ZNF184: variants seen among roughly 807,000 people sequenced by gnomAD.
ZNF184 encodes the protein zinc finger protein 184 (Kruppel-like).
Under a neutral mutation model 54.4 loss-of-function variants are expected in ZNF184, and 16 were observed. The observed-to-expected ratio is 0.29, with a 90% CI of 0.20 to 0.45. The LOEUF (loss-of-function observed/expected upper bound fraction) is 0.45. ZNF184 is among the 20% of genes least tolerant of loss of function. The pLI, the probability that ZNF184 is intolerant of heterozygous loss-of-function variation, is 1.00. For synonymous variants in ZNF184, 254 were observed against 295.3 expected (o/e 0.86, Z 1.43); for missense variants, 681 against 888.2 (o/e 0.77, Z 2.97).
intron 3 of ZNF184, among the ~76,000 whole-genome samples, chr6:27,466,088 GT>G (rs989813520): frequency 1.2e-4 from 18 of 151,858 alleles, no homozygotes; most frequent in Admixed American, 9.2e-4. Flanking sequence ...TAAGAGGGAG[GT>G]AAGCATATCA....
At chr6:27,422,740 A>G in the ZNF184 span, among the ~76,000 whole-genome samples, 1 of 152,116 alleles carries the variant, frequency 6.6e-6, no homozygotes, top group Admixed American at 6.5e-5. Context: ...AACGCCATAC[A>G]GTTACTATCT....
the ZNF184 span, among the ~76,000 whole-genome samples, chr6:27,414,572 T>A: frequency 2.0e-5 from 3 of 152,000 alleles, no homozygotes; most frequent in Non-Finnish European, 4.4e-5. Flanking sequence ...CGCTATTCCT[T>A]CTGCTTGCAG....
intron 3 of ZNF184, among the ~76,000 whole-genome samples, chr6:27,463,661 T>C (rs1007240157): frequency 2.0e-5 from 3 of 151,714 alleles, no homozygotes; most frequent in East Asian, 3.9e-4. Flanking sequence ...AACTCAGTGA[T>C]AGAAAAAAAT....
chr6:27,451,962 T>C lies in ZNF184; in HGVS notation c.1597A>G (p.Lys533Glu). The C allele has an allele frequency of 6.2e-7, 1 of 1,613,566 alleles. No individual in the cohort carries two copies. The part of the protein sequence containing the change: ...THTQEKAYEC[K>E]ECGKAFIRSS... ...CGAATAAAAGCTTTCCCACATTCTTTACATTCATAAGCTTTCTCTTGAGTA... is the reference window on the plus strand; with the variant it reads ...CGAATAAAAGCTTTCCCACATTCTTCACATTCATAAGCTTTCTCTTGAGTA... The change falls in exon 6 of 6, where the codon AAA (lysine) becomes GAA (glutamate). Residue 533 changes from lysine to glutamate, a missense_variant. Transcript: ENST00000683788.
At chr6:27,446,942 C>T (rs560516889), downstream of ZNF184, among the ~76,000 whole-genome samples, 653 of 151,954 alleles carry the variant, frequency 4.3e-3, 7 homozygotes, top group Admixed American at 0.012. Flanking sequence ...GTCAGGAGTT[C>T]AAGACCAGCC....
the ZNF184 span, among the ~76,000 whole-genome samples, chr6:27,442,116 T>C: frequency 6.6e-6 from 1 of 152,228 alleles, no homozygotes; most frequent in South Asian, 2.1e-4. Flanking sequence ...GCACTGTTCC[T>C]TCATGGGCCC....
At chr6:27,448,760 T>C (rs1413682662), downstream of ZNF184, among the ~76,000 whole-genome samples, 5 of 82,330 alleles carry the variant, frequency 6.1e-5, no homozygotes, top group East Asian at 1.1e-3. Flanking sequence ...TAGAAATGCA[T>C]TTCCTTTTTT....
the ZNF184 span, among the ~76,000 whole-genome samples, chr6:27,415,521 AG>A: frequency 7.9e-5 from 12 of 152,280 alleles, no homozygotes; most frequent in Middle Eastern, 6.8e-3. Context: ...GTATATGAGG[AG>A]AGGAGGTTTT....
At chr6:27,404,658 C>A in the ZNF184 span, 1 of 152,198 alleles carries the variant, frequency 6.6e-6, no homozygotes, top group African/African-American at 2.4e-5. Flanking sequence ...GACATCATAG[C>A]ACAATTATAT....
chr6:27,447,576 G>A (rs1337034821), downstream of ZNF184, among the ~76,000 whole-genome samples: 3 of 152,092 alleles, frequency 2.0e-5, no homozygotes, highest in African/African-American at 7.2e-5. Context: ...AGCTGGGCAT[G>A]GTGGCAGGCG....
chr6:27,458,989 T>A (rs1360591036), intron 3 of ZNF184, among the ~76,000 whole-genome samples: 4 of 152,132 alleles, frequency 2.6e-5, no homozygotes, highest in Non-Finnish European at 4.4e-5. Flanking sequence ...CACAGAAAGA[T>A]AAATATCGCA....
At chr6:27,421,985 C>T in the ZNF184 span, among the ~76,000 whole-genome samples, 4 of 151,180 alleles carry the variant, frequency 2.6e-5, no homozygotes, top group Non-Finnish European at 5.9e-5. Context: ...GTGGGAGGAT[C>T]GATTGAGCCC....
At chr6:27,410,261 C>CT in the ZNF184 span, among the ~76,000 whole-genome samples, 1 of 152,174 alleles carries the variant, frequency 6.6e-6, no homozygotes, top group Non-Finnish European at 1.5e-5. Context: ...TGTTGAATGA[C>CT]TTACACAGGG....
Position 27,451,743 on chromosome 6 carries a change from T to C in ZNF184, c.1816A>G (p.Arg606Gly). 6.2e-7 allele frequency: 1 copy of C among 1,614,024 alleles called. No individual in the cohort carries two copies. Among genetic ancestry groups the C allele is most frequent in the Non-Finnish European group, 8.5e-7 (1 of 1,179,960 alleles). ...TAAGGCTTGGCTCCTGTATGAATTCTCTTATGCTGTGTAAGGTGTATGTTC... is the reference window on the plus strand; with the variant it reads ...TAAGGCTTGGCTCCTGTATGAATTCCCTTATGCTGTGTAAGGTGTATGTTC... Reference protein sequence around the residue: ...NQNIHLTQHKRIHTGAKPYEC... With the variant: ...NQNIHLTQHKGIHTGAKPYEC... The change falls in exon 6 of 6, where the codon AGA (arginine) becomes GGA (glycine). Residue 606 changes from arginine to glycine, a missense_variant. By Grantham distance (125) the Arg-to-Gly change is moderately radical (BLOSUM62 -2). Coordinates refer to ENST00000683788, the MANE Select transcript of ZNF184 (RefSeq NM_001318891.2).
chr6:27,423,337 T>C, the ZNF184 span, among the ~76,000 whole-genome samples: 7 of 152,164 alleles, frequency 4.6e-5, no homozygotes, highest in Non-Finnish European at 8.8e-5. Context: ...ATAGCTTCTT[T>C]TCATTTCTTT....
the ZNF184 span, among the ~76,000 whole-genome samples, chr6:27,427,129 A>C: frequency 1.3e-5 from 2 of 151,530 alleles, no homozygotes; most frequent in Admixed American, 1.3e-4. Context: ...AAAAAAAAAA[A>C]AAAAAAACAA....
chr6:27,442,420 G>GT, the ZNF184 span, among the ~76,000 whole-genome samples: 1 of 151,980 alleles, frequency 6.6e-6, no homozygotes, highest in African/African-American at 2.4e-5. Context: ...AGGAGTTCCA[G>GT]ACCAGCCTGG....
the ZNF184 span, among the ~76,000 whole-genome samples, chr6:27,429,046 G>A: frequency 6.6e-6 from 1 of 152,152 alleles, no homozygotes; most frequent in Non-Finnish European, 1.5e-5. Flanking sequence ...AGCCTGGACT[G>A]GATACTGGAA....
chr6:27,415,825 T>G, the ZNF184 span, among the ~76,000 whole-genome samples: 1 of 152,180 alleles, frequency 6.6e-6, no homozygotes, highest in Non-Finnish European at 1.5e-5. Context: ...CTGTACTAGT[T>G]TGCTAGGGCT....
Sources: allele counts gnomAD v4.1 joint callset (sites outside exome capture counted in the v4.1 genomes callset), GRCh38; gene constraint gnomAD v4.1.1; transcripts MANE v1.5; gene names NCBI Gene and HGNC (gene_info 2026-07-23, HGNC 2026-07-21).